Variants in PREPL observed in about 807,000 individuals in gnomAD.
The protein encoded by PREPL is prolyl endopeptidase-like.
A neutral mutation model predicts 70.6 loss-of-function variants in PREPL; 77 were observed. The observed-to-expected ratio is 1.09, with a 90% CI of 0.91 to 1.32. PREPL has a LOEUF of 1.32. Among genes scored for constraint, PREPL ranks in the 40% most tolerant of loss-of-function variants. The pLI is 0.00. For synonymous variants in PREPL, 315 were observed against 264.8 expected (o/e 1.19, Z -1.84); for missense variants, 1,002 against 778.2 (o/e 1.29, Z -3.42).
intron 10 of PREPL, among the ~76,000 whole-genome samples, chr2:44,324,156 T>C (rs998341725): frequency 1.3e-5 from 2 of 152,208 alleles, no homozygotes; most frequent in African/African-American, 2.4e-5. Context: ...AAGGATATAA[T>C]CTAAGTGAAA....
Position 44,332,010 on chromosome 2 carries a change from G to A in PREPL, c.1086+449C>T, listed in dbSNP as rs564921608. Among the ~76,000 whole-genome samples the A allele has an allele frequency of 7.5e-4, 108 of 143,880 alleles. 1 individual carries two copies. Among genetic ancestry groups the A allele is most frequent in the African/African-American group, 2.8e-3 (108 of 38,250 alleles). The allele number at this position is 143,880 out of a possible 152,430, so 94.4% of individuals were successfully genotyped here. The stretch of plus-strand genomic sequence containing the variant: ...AGCCCAGGCTGGAGTGCAGTGGCAC[G>A]ATCTAGGCTCACTGCATGCTCCGCC... On this transcript the variant is annotated intron_variant, in intron 8 of 13. Transcript: ENST00000409411.
At position 44,321,842 on chromosome 2, in the gene PREPL, C is replaced by G; in HGVS notation, c.1812G>C (p.Glu604Asp). Residue 604 changes from glutamate to aspartate, a missense_variant, in exon 13 of 14, where the codon GAG becomes GAC. Coordinates refer to ENST00000409411, the MANE Select transcript of PREPL (RefSeq NM_001171613.2). ...GATAACATACCTTTTTGTGAGAATC[C>G]TCAATTACATGATTGCCTCCAGGCT... The part of the protein sequence containing the change: ...DIQPGGNHVI[E>D]DSHKKITAQI... 6.2e-7 allele frequency: 1 copy of G among 1,613,672 alleles called. No individual in the cohort carries two copies. Among genetic ancestry groups the G allele is most frequent in the Non-Finnish European group, 8.5e-7 (1 of 1,179,696 alleles).
intron 1 of PREPL, among the ~76,000 whole-genome samples, chr2:44,354,954 A>G (rs963626113): frequency 3.3e-5 from 5 of 152,260 alleles, no homozygotes; most frequent in Admixed American, 3.3e-4. Flanking sequence ...ACATAAAGAT[A>G]AACCAGGTAC....
At chr2:44,321,959 C>G (rs184979501) in intron 12 of PREPL, 59 bp from the exon 13 acceptor site, 174 of 1,511,006 alleles carry the variant, frequency 1.2e-4, no homozygotes, top group Non-Finnish European at 1.4e-4. Flanking sequence ...TTTGGAAGAT[C>G]GAGACCCATT....
At position 44,320,343 on chromosome 2, in the gene PREPL, G is replaced by A; in HGVS notation, c.*1013C>T. On this transcript the variant is annotated 3_prime_UTR_variant, in exon 14 of 14. Transcript: ENST00000409411. The stretch of plus-strand genomic sequence containing the variant: ...TGTTGTGTACACAAGAGAGCTGGAT[G>A]GCATCGACAGAATCTTTATCGTGGT... The A allele has an allele frequency of 6.2e-7, 1 of 1,614,134 alleles. No homozygotes were observed. The highest frequency in any genetic ancestry group is 8.5e-7 in the Non-Finnish European group (1 of 1,179,986).
At chr2:44,337,700 G>A (rs1323361928) in intron 7 of PREPL, among the ~76,000 whole-genome samples, 3 of 152,136 alleles carry the variant, frequency 2.0e-5, no homozygotes, top group Non-Finnish European at 4.4e-5. Flanking sequence ...AGGCAATAAG[G>A]TTGTCATTCA....
rs373561366 is a variant in PREPL at position 44,320,363 on chromosome 2, C to T, written c.*993G>A. 13 of 1,613,932 alleles carry T rather than the reference C, an allele frequency of 8.1e-6. No homozygotes were observed. The highest frequency in any genetic ancestry group is 1.0e-5 in the Non-Finnish European group (12 of 1,179,964). ...TGGATGGCATCGACAGAATCTTTATCGTGGTTCTGAATTTTGGAGAATCAA... is the reference window on the plus strand; with the variant it reads ...TGGATGGCATCGACAGAATCTTTATTGTGGTTCTGAATTTTGGAGAATCAA... On this transcript the variant is annotated 3_prime_UTR_variant, in exon 14 of 14. Coordinates refer to ENST00000409411, the MANE Select transcript of PREPL (RefSeq NM_001171613.2).
chr2:44,326,522 G>A (rs1312093302), intron 10 of PREPL, among the ~76,000 whole-genome samples, 190 bp downstream of exon 10: 1 of 148,290 alleles, frequency 6.7e-6, no homozygotes, highest in Non-Finnish European at 1.5e-5. Context: ...ATTTCTTGCA[G>A]AGACAGGGTC....
chr2:44,320,160 G>T lies in PREPL; in HGVS notation c.*1196C>A. The T allele has an allele frequency of 6.6e-7, 1 of 1,504,584 alleles. No homozygotes were observed. 93.2% of individuals were successfully genotyped at this position (1,504,584 alleles called of 1,614,324 possible). A position where few individuals can be genotyped will look rare whatever the true frequency, so the allele number is the denominator to read the frequency against. On this transcript the variant is annotated 3_prime_UTR_variant, in exon 14 of 14. Transcript: ENST00000409411. ...TAAAAATACTTACAAACAATTCTTA[G>T]AATCAAACACTTACGTAAATACTTT...
intron 7 of PREPL, among the ~76,000 whole-genome samples, chr2:44,335,989 C>T (rs770124173): frequency 2.0e-5 from 3 of 151,948 alleles, no homozygotes; most frequent in Non-Finnish European, 4.4e-5. Context: ...GAATGCAAAT[C>T]TAAACCACAA....
At chr2:44,337,613 A>G (rs1271888691) in intron 7 of PREPL, among the ~76,000 whole-genome samples, 1 of 152,188 alleles carries the variant, frequency 6.6e-6, no homozygotes, top group Non-Finnish European at 1.5e-5. Context: ...CTCTTTTCAT[A>G]TCAAACAAAA....
Position 44,321,167 on chromosome 2 carries a change from G to A in PREPL, c.*189C>T. ...ATTACTTTCCTAGGTTAATGGGCAT[G>A]TGCATCAATGGAGAGAATAGTATAA... On this transcript the variant is annotated 3_prime_UTR_variant, in exon 14 of 14. Coordinates refer to ENST00000409411, the MANE Select transcript of PREPL (RefSeq NM_001171613.2). 1 of 577,962 alleles carries A rather than the reference G, an allele frequency of 1.7e-6. No individual in the cohort carries two copies. Among genetic ancestry groups the A allele is most frequent in the Non-Finnish European group, 3.1e-6 (1 of 320,902 alleles). 35.8% of individuals were successfully genotyped at this position (577,962 alleles called of 1,614,324 possible). A position where few individuals can be genotyped will look rare whatever the true frequency, so the allele number is the denominator to read the frequency against.
intron 9 of PREPL, among the ~76,000 whole-genome samples, chr2:44,328,344 T>C (rs1558490445): frequency 7.4e-6 from 1 of 134,260 alleles, no homozygotes; most frequent in Non-Finnish European, 1.5e-5. Flanking sequence ...GCCTGAAGCA[T>C]GAGAATCACT....
chr2:44,338,294 A>G, intron 7 of PREPL, 57 bp downstream of exon 7: 2 of 1,453,500 alleles, frequency 1.4e-6, no homozygotes, highest in Middle Eastern at 2.2e-4. Flanking sequence ...TGTTCTGTTA[A>G]GCTAAACTGC....
Position 44,338,552 on chromosome 2 carries a change from T to C in PREPL, c.703-16A>G. On this transcript the variant is annotated splice_polypyrimidine_tract_variant and intron_variant, in intron 6 of 13. Transcript: ENST00000409411. The stretch of plus-strand genomic sequence containing the variant: ...TTCTCATTAGCTACGTGGAACAAAG[T>C]TAGAAGACATATAGGTAAGAAAACA... 6.3e-7 allele frequency: 1 copy of C among 1,587,044 alleles called. No individual in the cohort carries two copies. Among genetic ancestry groups the C allele is most frequent in the Non-Finnish European group, 8.6e-7 (1 of 1,169,272 alleles).
intron 7 of PREPL, among the ~76,000 whole-genome samples, chr2:44,332,917 T>G (rs1337481862): frequency 1.3e-5 from 2 of 152,216 alleles, no homozygotes; most frequent in African/African-American, 4.8e-5. Flanking sequence ...GAAATTGCCT[T>G]TAACATAAAA....
intron 1 of PREPL, among the ~76,000 whole-genome samples, chr2:44,358,124 A>C (rs1049891307): frequency 3.3e-5 from 5 of 152,220 alleles, no homozygotes; most frequent in African/African-American, 1.2e-4. Flanking sequence ...TTGAAAAGAT[A>C]GTTTCTAAAA....
chr2:44,335,442 A>T (rs1674540576), intron 7 of PREPL, among the ~76,000 whole-genome samples: 1 of 152,214 alleles, frequency 6.6e-6, no homozygotes, highest in Non-Finnish European at 1.5e-5. Flanking sequence ...ATGCTCCACC[A>T]GTTTCCCAAC....
At chr2:44,343,143 G>T (rs72804939) in intron 4 of PREPL, among the ~76,000 whole-genome samples, 2 of 152,168 alleles carry the variant, frequency 1.3e-5, no homozygotes, top group African/African-American at 4.8e-5. Flanking sequence ...ATATGTCTTA[G>T]AATTCAATAG....
Sources: allele counts gnomAD v4.1 joint callset (sites outside exome capture counted in the v4.1 genomes callset), GRCh38; gene constraint gnomAD v4.1.1; transcripts MANE v1.5; gene names NCBI Gene and HGNC (gene_info 2026-07-23, HGNC 2026-07-21).